Variants in FGF12 observed in about 807,000 individuals in gnomAD.
The protein encoded by FGF12 is fibroblast growth factor 12B.
FGF12 carries 14 observed loss-of-function variants against 23.6 expected under a neutral mutation model. The observed-to-expected ratio is 0.59, with a 90% confidence interval of 0.39 to 0.93. FGF12 has a LOEUF of 0.93. Among genes scored for constraint, FGF12 ranks in the 40% least tolerant of loss-of-function variants. The probability of loss-of-function intolerance (pLI) is 0.00; values close to 1 mark genes in which losing one functional copy is unlikely to be tolerated. For synonymous variants in FGF12, 62 were observed against 77.3 expected (o/e 0.80, Z 1.04); for missense variants, 175 against 217.8 (o/e 0.80, Z 1.24).
chr3:192,183,904 G>A lies in FGF12; in HGVS notation c.229-13248C>T, dbSNP rs116813357. 5.4e-3 allele frequency among the ~76,000 whole-genome samples: 827 copies of A among 152,228 alleles called. 7 individuals are homozygous for A. Among genetic ancestry groups the A allele is most frequent in the African/African-American group, 0.019 (804 of 41,524 alleles). ...CTTTGCTTATGATTTATGCGCTTTC[G>A]TAGATTAAGAATGATTAGCTAAAAT... On this transcript the variant is annotated intron_variant, in intron 4 of 5. Transcript: ENST00000445105.
At chr3:192,270,809 AAGGAAGGAAAGAAGGAAG>A (rs1713387087) in intron 4 of FGF12, among the ~76,000 whole-genome samples, 1 of 149,870 alleles carries the variant, frequency 6.7e-6, no homozygotes, top group African/African-American at 2.4e-5. Flanking sequence ...GGAAGGAAGG[AAGGAAGGAAAGAAGGAAG>A]GAAGGAAGGA....
At chr3:192,326,459 A>G (rs1716824745) in intron 4 of FGF12, among the ~76,000 whole-genome samples, 1 of 152,118 alleles carries the variant, frequency 6.6e-6, no homozygotes, top group Non-Finnish European at 1.5e-5. Flanking sequence ...TTTCTTCCTT[A>G]GAGATCACCA....
chr3:192,526,051 C>G (rs1159894517), intron 2 of FGF12, among the ~76,000 whole-genome samples: 1 of 152,220 alleles, frequency 6.6e-6, no homozygotes, highest in Non-Finnish European at 1.5e-5. Context: ...GGATTACAGC[C>G]ATGAGCCACC....
At chr3:192,488,334 G>A (rs979325778) in intron 2 of FGF12, among the ~76,000 whole-genome samples, 8 of 151,936 alleles carry the variant, frequency 5.3e-5, no homozygotes, top group Admixed American at 3.3e-4. Flanking sequence ...AACCACATAC[G>A]AAAATAGAGT....
chr3:192,181,793 G>GC (rs978663609), intron 4 of FGF12, among the ~76,000 whole-genome samples: 85 of 151,926 alleles, frequency 5.6e-4, no homozygotes, highest in African/African-American at 1.9e-3. Flanking sequence ...ACCACACCCT[G>GC]CCAATTTTTG....
At chr3:192,490,416 T>C (rs1172033134) in intron 2 of FGF12, among the ~76,000 whole-genome samples, 2 of 152,158 alleles carry the variant, frequency 1.3e-5, no homozygotes, top group Non-Finnish European at 2.9e-5. Flanking sequence ...TATATATGTT[T>C]ATATTACACA....
intron 2 of FGF12, among the ~76,000 whole-genome samples, chr3:192,621,611 G>A (rs1163546517): frequency 2.1e-5 from 3 of 140,090 alleles, no homozygotes; most frequent in Non-Finnish European, 4.5e-5. Context: ...TCTTATTGAT[G>A]AGAAAATTGT....
chr3:192,585,292 G>A (rs777594388), intron 2 of FGF12, among the ~76,000 whole-genome samples: 4 of 152,068 alleles, frequency 2.6e-5, no homozygotes, highest in Non-Finnish European at 4.4e-5. Context: ...GGAAGCAACA[G>A]GATATAACCC....
At chr3:192,645,925 G>A (rs921548006) in intron 2 of FGF12, among the ~76,000 whole-genome samples, 1 of 152,072 alleles carries the variant, frequency 6.6e-6, no homozygotes, top group Non-Finnish European at 1.5e-5. Context: ...AGGAATAGCA[G>A]GGGCCATGTA....
intron 4 of FGF12, among the ~76,000 whole-genome samples, chr3:192,328,108 C>A (rs1332483584): frequency 1.3e-5 from 2 of 152,090 alleles, no homozygotes; most frequent in African/African-American, 4.8e-5. Context: ...TGAGTGAGGG[C>A]GTGGGACTGG....
At chr3:192,146,517 C>G (rs35130944) in intron 5 of FGF12, among the ~76,000 whole-genome samples, 31,860 of 151,964 alleles carry the variant, frequency 0.21, 3,456 homozygotes, top group South Asian at 0.26. Flanking sequence ...GATCCACCCG[C>G]CTCGACCTCC....
chr3:192,187,076 A>G (rs1716511513), intron 4 of FGF12, among the ~76,000 whole-genome samples: 1 of 152,188 alleles, frequency 6.6e-6, no homozygotes, highest in Non-Finnish European at 1.5e-5. Flanking sequence ...CAAGTAGCAG[A>G]GGGGTCACAG....
chr3:192,713,723 T>C (rs1465706966), intron 2 of FGF12, among the ~76,000 whole-genome samples: 2 of 152,188 alleles, frequency 1.3e-5, no homozygotes, highest in Non-Finnish European at 2.9e-5. Context: ...CTGACCTTCA[T>C]CTTCAAAATC....
intron 2 of FGF12, among the ~76,000 whole-genome samples, chr3:192,469,022 C>A (rs1050948003): frequency 5.9e-5 from 9 of 152,298 alleles, no homozygotes; most frequent in Non-Finnish European, 1.2e-4. Flanking sequence ...CCATTATGTT[C>A]ATGCTCAAAT....
At chr3:192,232,300 T>C (rs9866000) in intron 4 of FGF12, among the ~76,000 whole-genome samples, 72,426 of 151,910 alleles carry the variant, frequency 0.48, 18,591 homozygotes, top group East Asian at 0.99. Context: ...AAGGAATGAT[T>C]ATGATACTTC....
At chr3:192,194,439 T>A (rs1455118415) in intron 4 of FGF12, among the ~76,000 whole-genome samples, 1 of 152,230 alleles carries the variant, frequency 6.6e-6, no homozygotes, top group African/African-American at 2.4e-5. Flanking sequence ...AACTGTGGCT[T>A]AGAGTCTAAT....
chr3:192,416,535 T>C (rs1721357669), intron 2 of FGF12, among the ~76,000 whole-genome samples: 1 of 152,008 alleles, frequency 6.6e-6, no homozygotes, highest in Non-Finnish European at 1.5e-5. Flanking sequence ...AGCAGATGAG[T>C]GGACAGATGT....
chr3:192,367,694 C>T (rs950249988), intron 2 of FGF12, among the ~76,000 whole-genome samples: 2 of 152,128 alleles, frequency 1.3e-5, no homozygotes, highest in South Asian at 4.1e-4. Flanking sequence ...AGGCCTGAGG[C>T]CCCTCATTCA....
intron 2 of FGF12, among the ~76,000 whole-genome samples, chr3:192,554,819 G>C (rs1577051309): frequency 1.3e-5 from 2 of 151,688 alleles, no homozygotes; most frequent in African/African-American, 4.8e-5. Context: ...TGAATAAAAT[G>C]AGAATATCAA....
Sources: allele counts gnomAD v4.1 joint callset (sites outside exome capture counted in the v4.1 genomes callset), GRCh38; gene constraint gnomAD v4.1.1; transcripts MANE v1.5; gene names NCBI Gene and HGNC (gene_info 2026-07-23, HGNC 2026-07-21).